Variants in GRM8 observed in about 807,000 individuals in gnomAD.
GRM8 encodes metabotropic glutamate receptor 8.
Under a neutral mutation model 87.2 loss-of-function variants are expected in GRM8, and 47 were observed. The observed-to-expected ratio is 0.54, with a 90% CI of 0.43 to 0.69. The LOEUF (loss-of-function observed/expected upper bound fraction) is 0.69, where lower values mean the gene tolerates loss of function less well. Among genes scored for constraint, GRM8 ranks in the 30% least tolerant of loss-of-function variants. GRM8 has a pLI of 0.00. For synonymous variants in GRM8, 396 were observed against 404.5 expected, an observed-to-expected ratio of 0.98 and a Z score of 0.25; for missense variants, 1,019 against 1,139.2, an observed-to-expected ratio of 0.89 and a Z score of 1.52.
intron 3 of GRM8, among the ~76,000 whole-genome samples, chr7:127,002,030 T>C (rs1057103022): frequency 2.6e-5 from 4 of 151,648 alleles, no homozygotes; most frequent in African/African-American, 9.7e-5. Context: ...TGCCTGGGGT[T>C]GTGGCTGGTA....
In GRM8 at chr7:127,015,733, G is replaced by A. The variant is rs1390022140; in HGVS notation, c.727+90763C>T. Among the ~76,000 whole-genome samples, 6 of 152,046 alleles carry A rather than the reference G, an allele frequency of 3.9e-5. No homozygotes were observed. The South Asian group carries it at 8.3e-4, about 21-fold the overall frequency. On this transcript the variant is annotated intron_variant, in intron 3 of 10. Transcript: ENST00000339582. ...CTGAGCTTTACCAGCACCAGGACTGGTTGTTACTCTATGTTTTTGATAGAG... is the reference window on the plus strand; with the variant it reads ...CTGAGCTTTACCAGCACCAGGACTGATTGTTACTCTATGTTTTTGATAGAG...
At chr7:126,481,769 G>T (rs1282942851) in intron 9 of GRM8, among the ~76,000 whole-genome samples, 1 of 152,088 alleles carries the variant, frequency 6.6e-6, no homozygotes, top group South Asian at 2.1e-4. Flanking sequence ...AAAAATTGTT[G>T]AAATCTGAAT....
At chr7:127,201,432 C>T (rs1318064143) in intron 2 of GRM8, among the ~76,000 whole-genome samples, 2 of 152,160 alleles carry the variant, frequency 1.3e-5, no homozygotes, top group African/African-American at 2.4e-5. Context: ...TCCATTCTTC[C>T]TTCTCAATTA....
At chr7:126,983,614 C>G (rs2131877707) in intron 3 of GRM8, among the ~76,000 whole-genome samples, 1 of 152,162 alleles carries the variant, frequency 6.6e-6, no homozygotes, top group African/African-American at 2.4e-5. Context: ...GGTGACTGAC[C>G]CAGACTATCA....
intron 3 of GRM8, among the ~76,000 whole-genome samples, chr7:126,956,826 C>G (rs1348925150): frequency 6.6e-6 from 1 of 152,162 alleles, no homozygotes; most frequent in Non-Finnish European, 1.5e-5. Context: ...ACATGAGAAG[C>G]AAACTTTATT....
chr7:127,042,183 T>C (rs967032760), intron 3 of GRM8, among the ~76,000 whole-genome samples: 18 of 152,298 alleles, frequency 1.2e-4, no homozygotes, highest in Non-Finnish European at 2.5e-4. Flanking sequence ...GATTCCATTT[T>C]CAGTCTGCCA....
At chr7:126,460,999 A>G (rs1803838042) in intron 9 of GRM8, among the ~76,000 whole-genome samples, 1 of 151,400 alleles carries the variant, frequency 6.6e-6, no homozygotes, top group Non-Finnish European at 1.5e-5. Flanking sequence ...CATCTGAAAT[A>G]TCCCTCTTTT....
rs536280831 is a variant in GRM8 at position 126,574,629 on chromosome 7, C to T, written c.1494+34733G>A. On this transcript the variant is annotated intron_variant, in intron 8 of 10. Transcript: ENST00000339582. ...GATGTGTTTTCCAACTCTCTCTTCACTTTGCTTTTTTTCTACAGAGTTAAG... is the reference window on the plus strand; with the variant it reads ...GATGTGTTTTCCAACTCTCTCTTCATTTTGCTTTTTTTCTACAGAGTTAAG... Among the ~76,000 whole-genome samples, 16 of 152,268 alleles carry T rather than the reference C, an allele frequency of 1.1e-4. No homozygotes were observed. The South Asian group carries it at 3.3e-3, about 32-fold the overall frequency.
chr7:126,719,462 T>C (rs1398192937), intron 7 of GRM8, among the ~76,000 whole-genome samples: 1 of 152,190 alleles, frequency 6.6e-6, no homozygotes, highest in Non-Finnish European at 1.5e-5. Context: ...GTAGGTCTGG[T>C]TCAGGTATTG....
intron 9 of GRM8, among the ~76,000 whole-genome samples, chr7:126,531,960 C>T (rs1219918429): frequency 1.3e-5 from 2 of 152,188 alleles, no homozygotes; most frequent in African/African-American, 4.8e-5. Context: ...CAAGTCCTCA[C>T]TCTGAAAGGA....
At chr7:126,507,334 AT>A (rs1207702382) in intron 9 of GRM8, among the ~76,000 whole-genome samples, 1 of 152,084 alleles carries the variant, frequency 6.6e-6, no homozygotes, top group African/African-American at 2.4e-5. Context: ...GGAGATGTCA[AT>A]TTATCTATCT....
At chr7:126,727,567 A>G (rs1813134752) in intron 7 of GRM8, among the ~76,000 whole-genome samples, 1 of 152,150 alleles carries the variant, frequency 6.6e-6, no homozygotes, top group Non-Finnish European at 1.5e-5. Flanking sequence ...CATAAAAGGA[A>G]ATACCTCATT....
At chr7:126,836,857 G>C (rs1179092787) in intron 6 of GRM8, among the ~76,000 whole-genome samples, 1 of 152,060 alleles carries the variant, frequency 6.6e-6, no homozygotes, top group Admixed American at 6.6e-5. Context: ...ATGGTAACTA[G>C]CACGTAGTAC....
chr7:127,223,429 CCACACACACACACG>C (rs1206248192), intron 2 of GRM8, among the ~76,000 whole-genome samples: 3 of 138,772 alleles, frequency 2.2e-5, no homozygotes, highest in African/African-American at 5.7e-5. Context: ...TCGAAACACA[CCACACACACACACG>C]CACACACACA....
In GRM8 at chr7:127,122,655, T is replaced by A. The variant is rs1189343468; in HGVS notation, c.511-15943A>T. On this transcript the variant is annotated intron_variant, in intron 2 of 10. Coordinates refer to ENST00000339582, the MANE Select transcript of GRM8 (RefSeq NM_000845.3). Reference sequence around the variant, plus strand: ...TAAAGTAGTTTGACATTTAAGAATATAATCTAACTTAAATTAGGATTGAGG... The same window carrying A: ...TAAAGTAGTTTGACATTTAAGAATAAAATCTAACTTAAATTAGGATTGAGG... Among the ~76,000 whole-genome samples, 3 of 152,086 alleles carry A rather than the reference T, an allele frequency of 2.0e-5. No individual in the cohort carries two copies. The East Asian group carries it at 5.8e-4, about 29-fold the overall frequency.
chr7:127,079,350 G>C (rs1822615005), intron 3 of GRM8, among the ~76,000 whole-genome samples: 1 of 152,096 alleles, frequency 6.6e-6, no homozygotes, highest in African/African-American at 2.4e-5. Context: ...TCGAACTCCT[G>C]ACCCCAGATG....
At position 126,723,156 on chromosome 7, in the gene GRM8, C is replaced by T. The variant is rs117004995; in HGVS notation, c.1357+46709G>A. On this transcript the variant is annotated intron_variant, in intron 7 of 10. Coordinates refer to ENST00000339582, the MANE Select transcript of GRM8 (RefSeq NM_000845.3). Reference sequence around the variant, plus strand: ...GGTAGAAATTGAAGGGCTGTAATAACGCCCCTTTCTCTGCCTCTTCATCTA... The same window carrying T: ...GGTAGAAATTGAAGGGCTGTAATAATGCCCCTTTCTCTGCCTCTTCATCTA... Among the ~76,000 whole-genome samples, 166 of 151,744 alleles carry T rather than the reference C, an allele frequency of 1.1e-3. 5 individuals carry two copies. In the East Asian group the frequency reaches 0.029, roughly 27 times the overall value.
At chr7:126,576,667 C>T (rs1478345014) in intron 8 of GRM8, among the ~76,000 whole-genome samples, 1 of 152,154 alleles carries the variant, frequency 6.6e-6, no homozygotes, top group East Asian at 1.9e-4. Context: ...TCTATCAGCC[C>T]ACACTGACTG....
Position 126,666,035 on chromosome 7 carries a change from G to A in GRM8, c.1358-56537C>T, listed in dbSNP as rs191478237. On this transcript the variant is annotated intron_variant, in intron 7 of 10. Transcript: ENST00000339582. ...CTTCATTAGGGCTATTGCAGTACAT[G>A]TCATGGGATTTCTGTAGATAGATCA... is the stretch of plus-strand genomic sequence containing the variant. Among the ~76,000 whole-genome samples the A allele has an allele frequency of 1.6e-4, 25 of 152,244 alleles. No individual in the cohort carries two copies. In the South Asian group the frequency reaches 4.8e-3, roughly 29 times the overall value.
Sources: allele counts gnomAD v4.1 joint callset (sites outside exome capture counted in the v4.1 genomes callset), GRCh38; gene constraint gnomAD v4.1.1; transcripts MANE v1.5; gene names NCBI Gene and HGNC (gene_info 2026-07-23, HGNC 2026-07-21).